Variants in SLC43A1 observed in about 807,000 individuals in gnomAD.
SLC43A1 encodes solute carrier family 43 member 1, also known as large neutral amino acids transporter small subunit 3.
SLC43A1 carries 31 observed loss-of-function variants against 59.5 expected under a neutral mutation model. The ratio of observed to expected loss-of-function variants is 0.52; its 90% CI spans 0.39 to 0.70. SLC43A1 has a LOEUF of 0.70. Ranked by LOEUF, SLC43A1 falls within the 30% of genes least tolerant of loss-of-function variation. The probability of loss-of-function intolerance (pLI) is 0.00; values close to 1 mark genes in which losing one functional copy is unlikely to be tolerated. For missense variants in SLC43A1, 598 were observed against 717.8 expected (o/e 0.83, Z 1.91); for synonymous variants, 259 against 290.9 (o/e 0.89, Z 1.12).
chr11:57,487,799 TGAA>T (rs1012985248), intron 13 of SLC43A1, among the ~76,000 whole-genome samples: 6 of 151,786 alleles, frequency 4.0e-5, no homozygotes, highest in African/African-American at 1.5e-4. Flanking sequence ...GGGAAAGACC[TGAA>T]GAAGGAGAGA....
chr11:57,491,308 C>A lies in SLC43A1; in HGVS notation c.1109G>T (p.Cys370Phe). The change falls in exon 11 of 15, where the codon TGC (cysteine) becomes TTC (phenylalanine). Residue 370 changes from cysteine to phenylalanine, a missense_variant. Physicochemically the swap from Cys to Phe is radical, Grantham distance 205. Coordinates refer to ENST00000278426, the MANE Select transcript of SLC43A1 (RefSeq NM_003627.6). ...GAMQLLCLLTCPLIGYIMDWR... is the reference protein window; with the variant it reads ...GAMQLLCLLTFPLIGYIMDWR... ...GTCCATGATGTAGCCAATGAGGGGG[C>A]AGGTGAGAAGGCACAACAGCTGCAT... 6.2e-7 allele frequency: 1 copy of A among 1,611,320 alleles called. No homozygotes were observed. Among genetic ancestry groups the A allele is most frequent in the Non-Finnish European group, 8.5e-7 (1 of 1,178,590 alleles).
chr11:57,495,434 G>C (rs891737710), intron 7 of SLC43A1, among the ~76,000 whole-genome samples: 2 of 151,130 alleles, frequency 1.3e-5, no homozygotes, highest in Admixed American at 6.6e-5. Context: ...CTCCAGCCTG[G>C]GCGACAGAAT....
At chr11:57,492,843 C>T (rs1943975547) in intron 8 of SLC43A1, among the ~76,000 whole-genome samples, 1 of 150,892 alleles carries the variant, frequency 6.6e-6, no homozygotes, top group African/African-American at 2.4e-5. Flanking sequence ...AGTTCGAGAC[C>T]AGCCTGGCCA....
intron 2 of SLC43A1, among the ~76,000 whole-genome samples, chr11:57,506,582 G>C (rs762456056): frequency 2.6e-5 from 4 of 152,128 alleles, no homozygotes; most frequent in Non-Finnish European, 1.5e-5. Flanking sequence ...CTGGTGTCTT[G>C]TCTATGGCTG....
chr11:57,491,567 A>G, intron 10 of SLC43A1, 24 bp downstream of exon 10: 1 of 1,613,286 alleles, frequency 6.2e-7, no homozygotes, highest in Non-Finnish European at 8.5e-7. Flanking sequence ...GGCGTGAGCC[A>G]GGGCCCTGCT....
At chr11:57,487,454 C>T (rs958329357) in intron 13 of SLC43A1, among the ~76,000 whole-genome samples, 2 of 152,186 alleles carry the variant, frequency 1.3e-5, no homozygotes, top group Non-Finnish European at 2.9e-5. Context: ...GTGGCTCAAA[C>T]TCCCTGAGCC....
Position 57,496,171 on chromosome 11 carries a change from G to A in SLC43A1, c.559-7C>T, listed in dbSNP as rs769193280. 1 of 1,613,902 alleles carries A rather than the reference G, an allele frequency of 6.2e-7. No homozygotes were observed. The highest frequency in any genetic ancestry group is 1.1e-5 in the South Asian group (1 of 91,058). On this transcript the variant is annotated splice_polypyrimidine_tract_variant and splice_region_variant and intron_variant, in intron 6 of 14. Coordinates refer to ENST00000278426, the MANE Select transcript of SLC43A1 (RefSeq NM_003627.6). ...CACCGGCATCGTAGATCAGCTGTGA[G>A]AGGAGGGGGCAGGCCCGTGGGGGAG...
chr11:57,489,644 T>A (rs1391070753), intron 11 of SLC43A1, among the ~76,000 whole-genome samples: 1 of 152,192 alleles, frequency 6.6e-6, no homozygotes, highest in African/African-American at 2.4e-5. Context: ...ACAGGCCTCA[T>A]CTCGGCCCTC....
At chr11:57,499,004 A>C (rs1944171757) in intron 5 of SLC43A1, among the ~76,000 whole-genome samples, 1 of 152,160 alleles carries the variant, frequency 6.6e-6, no homozygotes, top group African/African-American at 2.4e-5. Flanking sequence ...GAGACTCTGA[A>C]GGGAGGCCTC....
chr11:57,503,054 T>TA (rs1200165592), intron 2 of SLC43A1, among the ~76,000 whole-genome samples: 3 of 152,116 alleles, frequency 2.0e-5, no homozygotes, highest in Non-Finnish European at 2.9e-5. Flanking sequence ...AGAGTAAAGA[T>TA]AAAGGAATCT....
chr11:57,493,819 G>A (rs916704453), intron 8 of SLC43A1, among the ~76,000 whole-genome samples, 174 bp downstream of exon 8: 8 of 152,180 alleles, frequency 5.3e-5, no homozygotes, highest in Non-Finnish European at 8.8e-5. Flanking sequence ...ACTTCCCAGC[G>A]TTAGCTGAGC....
chr11:57,485,614 G>T (rs142713224), intron 14 of SLC43A1, among the ~76,000 whole-genome samples: 1 of 152,120 alleles, frequency 6.6e-6, no homozygotes. Context: ...ATGGGATCCC[G>T]TTCAGGGTGG....
In SLC43A1 at chr11:57,485,190, T is replaced by G. The variant is rs1396526415; in HGVS notation, c.1586A>C (p.Tyr529Ser). 1 of 1,613,452 alleles carries G rather than the reference T, an allele frequency of 6.2e-7. No individual in the cohort carries two copies. Among genetic ancestry groups the G allele is most frequent in the South Asian group, 1.1e-5 (1 of 91,018 alleles). ...GAGCCGGGCACGGTAATAGAAGAGG[T>G]AGGAAGGCAACAGGAATCCCAGGAG... is the stretch of plus-strand genomic sequence containing the variant. ...FSLLGFLLPS[Y>S]LFYYRARLQQ... The change falls in exon 15 of 15, where the codon TAC becomes TCC. Residue 529 changes from tyrosine (Y) to serine (S), a missense_variant. By Grantham distance (144) the Tyr-to-Ser change is moderately radical. Coordinates refer to ENST00000278426, the MANE Select transcript of SLC43A1 (RefSeq NM_003627.6).
chr11:57,489,460 C>T (rs1294985018), intron 11 of SLC43A1, 68 bp from the exon 12 acceptor site: 7 of 1,572,374 alleles, frequency 4.5e-6, no homozygotes, highest in African/African-American at 4.0e-5. Flanking sequence ...CTTGGCCTGG[C>T]CCCTCCCCCT....
At chr11:57,513,333 C>T (rs983734695) in intron 2 of SLC43A1, among the ~76,000 whole-genome samples, 28 of 152,336 alleles carry the variant, frequency 1.8e-4, no homozygotes, top group Middle Eastern at 6.8e-3. Flanking sequence ...AGAGGCAAGT[C>T]CTAGACACCA....
At position 57,514,277 on chromosome 11, in the gene SLC43A1, G is replaced by A; in HGVS notation, c.-13-153C>T. ...CCTGGGCTTCCCAGCCGGTGCCAAG[G>A]AGCTGGCTCCGCGCGCACTAGCAGT... On this transcript the variant is annotated intron_variant, in intron 1 of 14. Transcript: ENST00000278426. The surrounding 1 kb of genome is among the most constrained non-coding windows in gnomAD (Gnocchi z 5.5). The A allele has an allele frequency of 1.1e-6, 1 of 890,524 alleles. No individual in the cohort carries two copies. Among genetic ancestry groups the A allele is most frequent in the South Asian group, 1.8e-5 (1 of 55,312 alleles). The allele number at this position is 890,524 out of a possible 1,614,324, so 55.2% of individuals were successfully genotyped here.
rs1944253762 is a variant in SLC43A1 at position 57,501,167 on chromosome 11, ACGGG to A, written c.313_316del (p.Pro105CysfsTer29). 1.2e-6 allele frequency: 2 copies of A among 1,612,214 alleles called. No homozygotes were observed. Among genetic ancestry groups the A allele is most frequent in the Non-Finnish European group, 1.7e-6 (2 of 1,179,916 alleles). ...GCCACCTCACCTGCCAACCAGCCGCACGGGTCGGGGGCCAAAGCGGTCCATGAGG... is the reference window on the plus strand; with the variant it reads ...GCCACCTCACCTGCCAACCAGCCGCATCGGGGGCCAAAGCGGTCCATGAGG... On this transcript the variant is annotated frameshift_variant, in exon 3 of 15. Coordinates refer to ENST00000278426, the MANE Select transcript of SLC43A1 (RefSeq NM_003627.6). LOFTEE classifies it high-confidence loss of function.
intron 2 of SLC43A1, 22 bp downstream of exon 2, chr11:57,513,936 C>T: frequency 8.2e-7 from 1 of 1,214,352 alleles, no homozygotes; most frequent in Non-Finnish European, 1.2e-6. Flanking sequence ...CCCCAGCCCA[C>T]CCAGCCCATT....
chr11:57,509,789 G>C (rs1944489433), intron 2 of SLC43A1, among the ~76,000 whole-genome samples: 1 of 151,886 alleles, frequency 6.6e-6, no homozygotes. Flanking sequence ...CCTGAGATTA[G>C]GCAATAGTTC....
Sources: allele counts gnomAD v4.1 joint callset (sites outside exome capture counted in the v4.1 genomes callset), GRCh38; gene constraint gnomAD v4.1.1; non-coding constraint Gnocchi (gnomAD v3.1); transcripts MANE v1.5; gene names NCBI Gene and HGNC (gene_info 2026-07-23, HGNC 2026-07-21).